ARL1: variants seen among roughly 807,000 people sequenced by gnomAD.
ARL1 encodes the protein ADP-ribosylation factor-like protein 1.
ARL1 carries 17 observed loss-of-function variants against 30.1 expected under a neutral mutation model. The ratio of observed to expected loss-of-function variants is 0.56; its 90% CI spans 0.39 to 0.85. The LOEUF (loss-of-function observed/expected upper bound fraction) is 0.85, where lower values mean the gene tolerates loss of function less well. Among genes scored for constraint, ARL1 ranks in the 40% least tolerant of loss-of-function variants. ARL1 has a pLI of 0.00. For synonymous variants in ARL1, 58 were observed against 71.7 expected (o/e 0.81, Z 0.97); for missense variants, 102 against 212.6 (o/e 0.48, Z 3.24).
At chr12:101,403,695 C>T (rs528278100) in intron 2 of ARL1, 1 of 154,082 alleles carries the variant, frequency 6.5e-6, no homozygotes, top group African/African-American at 2.4e-5. Flanking sequence ...TGCGGTGGCT[C>T]ACACCTGTAA....
At chr12:101,398,977 T>TA (rs1164535383) in intron 4 of ARL1, among the ~76,000 whole-genome samples, 1 of 152,148 alleles carries the variant, frequency 6.6e-6, no homozygotes, top group East Asian at 1.9e-4. Flanking sequence ...CTTTATATGA[T>TA]AAAAATACAC....
chr12:101,407,720 T>A lies in ARL1; in HGVS notation c.-75A>T. 1.2e-6 allele frequency: 2 copies of A among 1,605,400 alleles called. No individual in the cohort carries two copies. The highest frequency in any genetic ancestry group is 1.3e-5 in the African/African-American group (1 of 74,914). ...CGGCTGCAGCTCCGAGGCGGTTTCC[T>A]CGCAAGCCCAGTCAGCCAGCAACTT... is the stretch of plus-strand genomic sequence containing the variant. On this transcript the variant is annotated 5_prime_UTR_variant, in exon 1 of 6. Transcript: ENST00000261636.
intron 3 of ARL1, 186 bp from the exon 4 acceptor site, chr12:101,401,359 G>A: frequency 4.4e-6 from 2 of 459,060 alleles, no homozygotes; most frequent in Non-Finnish European, 7.7e-6. Flanking sequence ...AACATTGGCT[G>A]GGCACGGTGG....
At chr12:101,399,510 A>T (rs1188548063) in intron 4 of ARL1, among the ~76,000 whole-genome samples, 13 of 17,048 alleles carry the variant, frequency 7.6e-4, no homozygotes, top group South Asian at 2.7e-3. Context: ...GACTCTGTCT[A>T]AAAAAAAAAA....
intron 2 of ARL1, 29 bp downstream of exon 2, chr12:101,405,815 T>C (rs756624817): frequency 1.3e-6 from 2 of 1,520,408 alleles, no homozygotes; most frequent in Non-Finnish European, 1.8e-6. Flanking sequence ...AGAAAGTCCC[T>C]ACAATTAGCT....
At chr12:101,398,046 AT>A (rs1871197598) in intron 4 of ARL1, among the ~76,000 whole-genome samples, 1 of 151,964 alleles carries the variant, frequency 6.6e-6, no homozygotes. Context: ...ATATGTTCTT[AT>A]AATTTTCATT....
Position 101,407,716 on chromosome 12 carries a change from T to G in ARL1, c.-71A>C. On this transcript the variant is annotated 5_prime_UTR_variant, in exon 1 of 6. Transcript: ENST00000261636. ...CCTTCGGCTGCAGCTCCGAGGCGGT[T>G]TCCTCGCAAGCCCAGTCAGCCAGCA... 6.2e-7 allele frequency: 1 copy of G among 1,606,822 alleles called. No homozygotes were observed. The highest frequency in any genetic ancestry group is 2.2e-5 in the East Asian group (1 of 44,678).
intron 4 of ARL1, among the ~76,000 whole-genome samples, chr12:101,399,509 TAAAAAAAAAAAAAAA>T (rs200979843): frequency 5.5e-4 from 61 of 110,566 alleles, no homozygotes; most frequent in African/African-American, 2.6e-3. Flanking sequence ...AGACTCTGTC[TAAAAAAAAAAAAAAA>T]AAAAAAAAAA....
chr12:101,398,748 T>G (rs1452769426), intron 4 of ARL1, among the ~76,000 whole-genome samples: 2 of 152,182 alleles, frequency 1.3e-5, no homozygotes, highest in African/African-American at 4.8e-5. Context: ...TGTGTCTATA[T>G]GTTTTAACAT....
chr12:101,398,446 A>G (rs1871212336), intron 4 of ARL1, among the ~76,000 whole-genome samples: 1 of 151,396 alleles, frequency 6.6e-6, no homozygotes, highest in African/African-American at 2.4e-5. Flanking sequence ...TCTATACTAT[A>G]TATTTTTTGT....
At chr12:101,402,535 CT>C (rs1358771881) in intron 3 of ARL1, among the ~76,000 whole-genome samples, 2 of 152,088 alleles carry the variant, frequency 1.3e-5, no homozygotes, top group Non-Finnish European at 1.5e-5. Context: ...CTGCAAGGTA[CT>C]TTAATGAATT....
rs772292360 is a variant in ARL1 at position 101,402,933 on chromosome 12, A to G, written c.156T>C (p.Asn52=). ...GGTTTTTGTACGTCACCGTCTCTAC[A>G]TTAAATCCAATGGCTGGAAGAGAAA... ...VVTTIPTIGF[N]VETVTYKNLK... is the part of the protein sequence containing the mutation. Residue 52 remains asparagine, a synonymous_variant, in exon 3 of 6, where the codon AAT becomes AAC. Transcript: ENST00000261636. 5 of 1,612,500 alleles carry G rather than the reference A, an allele frequency of 3.1e-6. No homozygotes were observed. The highest frequency in any genetic ancestry group is 4.2e-6 in the Non-Finnish European group (5 of 1,178,868).
intron 4 of ARL1, among the ~76,000 whole-genome samples, chr12:101,397,433 G>A (rs1307711664): frequency 6.6e-6 from 1 of 151,886 alleles, no homozygotes; most frequent in Non-Finnish European, 1.5e-5. Flanking sequence ...GGAGCTCAAG[G>A]TTATAACAAG....
chr12:101,407,563 GCC>G, intron 1 of ARL1, 77 bp downstream of exon 1: 3 of 1,588,146 alleles, frequency 1.9e-6, no homozygotes, highest in Non-Finnish European at 2.6e-6. Flanking sequence ...ATCCTGGCCG[GCC>G]CCTCTCCTCC....
At chr12:101,406,401 C>T (rs1346041562) in intron 1 of ARL1, among the ~76,000 whole-genome samples, 1 of 152,090 alleles carries the variant, frequency 6.6e-6, no homozygotes, top group African/African-American at 2.4e-5. Context: ...CCACTATAAC[C>T]AACTTCAATC....
chr12:101,398,571 T>C (rs1214555190), intron 4 of ARL1, among the ~76,000 whole-genome samples: 1 of 151,916 alleles, frequency 6.6e-6, no homozygotes, highest in Non-Finnish European at 1.5e-5. Context: ...TGCCTCAGCC[T>C]CCCGTGTAGC....
rs949041174 is a variant in ARL1 at position 101,407,685 on chromosome 12, C to T, written c.-40G>A. ...CCTCCCTCGCCGATCTTCAGTGATT[C>T]CTTGGCCTTCGGCTGCAGCTCCGAG... On this transcript the variant is annotated 5_prime_UTR_variant, in exon 1 of 6. Transcript: ENST00000261636. 2 of 1,612,032 alleles carry T rather than the reference C, an allele frequency of 1.2e-6. No homozygotes were observed.
chr12:101,404,691 G>A (rs1005769288), intron 2 of ARL1, among the ~76,000 whole-genome samples: 2 of 152,148 alleles, frequency 1.3e-5, no homozygotes, highest in Admixed American at 1.3e-4. Flanking sequence ...TGAGCAAACT[G>A]TATGAACTCT....
At position 101,405,951 on chromosome 12, in the gene ARL1, A is replaced by C; in HGVS notation, c.35T>G (p.Leu12Arg). 6.4e-7 allele frequency: 1 copy of C among 1,568,776 alleles called. No homozygotes were observed. Among genetic ancestry groups the C allele is most frequent in the Non-Finnish European group, 8.6e-7 (1 of 1,156,090 alleles). ...AATTCTCATTTCCCGAGTTCCAAAC[A>C]GACTGGAAAATATACTTGAGAAAAA... The part of the protein sequence containing the change: ...GGFFSSIFSS[L>R]FGTREMRILI... Residue 12 changes from leucine to arginine, a missense_variant, in exon 2 of 6, where the codon CTG (leucine) becomes CGG (arginine). Transcript: ENST00000261636.
Sources: allele counts gnomAD v4.1 joint callset (sites outside exome capture counted in the v4.1 genomes callset), GRCh38; gene constraint gnomAD v4.1.1; transcripts MANE v1.5; gene names NCBI Gene and HGNC (gene_info 2026-07-23, HGNC 2026-07-21).